Variants in TDRD1 observed in about 807,000 individuals in gnomAD.
TDRD1 encodes the protein tudor domain-containing protein 1.
In TDRD1, 37 loss-of-function variants were observed where a neutral mutation model predicts 140.6. That is an observed-to-expected ratio of 0.26 (90% CI 0.20 to 0.35). TDRD1 has a LOEUF of 0.35. Ranked by LOEUF, TDRD1 falls within the 10% of genes least tolerant of loss-of-function variation. The pLI is 1.00. For synonymous variants in TDRD1, 506 were observed against 475.7 expected, an observed-to-expected ratio of 1.06 and a Z score of -0.83; for missense variants, 1,243 against 1,393.0, an observed-to-expected ratio of 0.89 and a Z score of 1.71.
intron 3 of TDRD1, among the ~76,000 whole-genome samples, chr10:114,198,272 A>C (rs1053763122): frequency 2.0e-5 from 3 of 152,076 alleles, no homozygotes; most frequent in African/African-American, 7.2e-5. Flanking sequence ...TGGTGGTGGA[A>C]AGTCTGGACT....
intron 1 of TDRD1, among the ~76,000 whole-genome samples, chr10:114,180,265 C>A (rs1049961337): frequency 2.6e-5 from 4 of 152,168 alleles, no homozygotes; most frequent in African/African-American, 9.7e-5. Context: ...TGATTTACTT[C>A]GTCTCTCATT....
chr10:114,226,262 T>C, intron 22 of TDRD1, 46 bp downstream of exon 22: 1 of 1,413,986 alleles, frequency 7.1e-7, no homozygotes, highest in Non-Finnish European at 9.7e-7. Flanking sequence ...GGGTATTTTT[T>C]TTTTCCTCTT....
intron 1 of TDRD1, among the ~76,000 whole-genome samples, chr10:114,187,211 G>A (rs768902585): frequency 2.0e-5 from 3 of 152,212 alleles, no homozygotes; most frequent in Non-Finnish European, 4.4e-5. Flanking sequence ...CTTAAAAGCA[G>A]TAGGTATAAA....
chr10:114,210,352 C>T (rs939606340), intron 11 of TDRD1, among the ~76,000 whole-genome samples: 1 of 152,080 alleles, frequency 6.6e-6, no homozygotes, highest in Non-Finnish European at 1.5e-5. Flanking sequence ...TTGTCTAAGT[C>T]GCTGATTTTC....
At chr10:114,222,546 T>A (rs959202074) in intron 20 of TDRD1, 41 bp from the exon 21 acceptor site, 30 of 1,292,288 alleles carry the variant, frequency 2.3e-5, no homozygotes, top group Non-Finnish European at 3.2e-5. Context: ...ATAGTAGCAC[T>A]GGAAATTTTC....
chr10:114,204,791 A>G lies in TDRD1; in HGVS notation c.1195A>G (p.Thr399Ala), dbSNP rs143300539. ...TTGGAGCAGTGATTGTATCAAAGCT[A>G]CTAAACCACTGTTAATGGAGCAGTA... Residue 399 changes from threonine to alanine, a missense_variant, in exon 10 of 26, where the codon ACT becomes GCT. Thr to Ala is a moderately conservative substitution (Grantham distance 58). This residue lies in a region of TDRD1 where 392 missense variants were observed against 394.1 expected (regional missense o/e 0.99). Transcript: ENST00000251864. 3 of 1,607,752 alleles carry G rather than the reference A, an allele frequency of 1.9e-6. No individual in the cohort carries two copies. In the African/African-American group the frequency reaches 4.0e-5, roughly 22 times the overall value.
rs374153068 is a variant in TDRD1, at chr10:114,190,510, C to T, written c.326-451C>T. Among the ~76,000 whole-genome samples the T allele has an allele frequency of 2.4e-4, 36 of 152,136 alleles. No individual in the cohort carries two copies. The South Asian group carries it at 4.2e-3, about 18-fold the overall frequency. ...TTTATATTTTTACTTTTTTTCAAGACGGAGTCTCACTCTGTTGTCCGGGCT... is the reference window on the plus strand; with the variant it reads ...TTTATATTTTTACTTTTTTTCAAGATGGAGTCTCACTCTGTTGTCCGGGCT... On this transcript the variant is annotated intron_variant, in intron 2 of 25. Coordinates refer to ENST00000251864, the Ensembl canonical transcript of TDRD1.
At chr10:114,225,718 A>G (rs995089786) in intron 21 of TDRD1, among the ~76,000 whole-genome samples, 1 of 152,080 alleles carries the variant, frequency 6.6e-6, no homozygotes, top group African/African-American at 2.4e-5. Flanking sequence ...TTAGCTGGGC[A>G]TGGTGGTGTA....
Position 114,222,492 on chromosome 10 carries a change from G to T in TDRD1, c.2891-95G>T, listed in dbSNP as rs114352516. 3.4e-3 allele frequency: 1,988 copies of T among 578,602 alleles called. 36 individuals carry two copies. In the African/African-American group the frequency reaches 0.035, roughly 10 times the overall value. 35.8% of individuals were successfully genotyped at this position (578,602 alleles called of 1,614,324 possible). ...TTTAAATATATTTTAATACACAAAG[G>T]GTTTTTGGATTGATTAGACTTGCCA... On this transcript the variant is annotated intron_variant, in intron 20 of 25. Transcript: ENST00000251864.
chr10:114,227,847 C>T, intron 23 of TDRD1, 63 bp from the exon 24 acceptor site: 1 of 1,369,172 alleles, frequency 7.3e-7, no homozygotes. Flanking sequence ...TATGTTTACA[C>T]TCCCAAGTTT....
intron 1 of TDRD1, among the ~76,000 whole-genome samples, chr10:114,183,025 C>T (rs2033215621): frequency 6.6e-6 from 1 of 152,146 alleles, no homozygotes; most frequent in African/African-American, 2.4e-5. Flanking sequence ...CTATAAAGCA[C>T]CATGGTGGAT....
At chr10:114,215,566 A>G (rs1040988141) in intron 16 of TDRD1, among the ~76,000 whole-genome samples, 2 of 152,150 alleles carry the variant, frequency 1.3e-5, no homozygotes, top group Non-Finnish European at 1.5e-5. Context: ...GATGAGCATC[A>G]TTGATCTTAA....
intron 21 of TDRD1, among the ~76,000 whole-genome samples, chr10:114,223,545 A>C (rs1194375736): frequency 6.6e-6 from 1 of 152,214 alleles, no homozygotes. Context: ...GGGGACCTTC[A>C]AACTTCATGG....
At chr10:114,175,043 T>C (rs939497512), upstream of TDRD1, among the ~76,000 whole-genome samples, 2 of 152,242 alleles carry the variant, frequency 1.3e-5, no homozygotes, top group East Asian at 3.8e-4. Flanking sequence ...CAAAACTTAC[T>C]ACTGTTCTGT....
At chr10:114,180,478 T>TA (rs1413316964) in intron 1 of TDRD1, among the ~76,000 whole-genome samples, 1 of 152,192 alleles carries the variant, frequency 6.6e-6, no homozygotes, top group African/African-American at 2.4e-5. Flanking sequence ...TTTTGTTTGT[T>TA]CTTTGAGTAA....
chr10:114,203,266 A>C, intron 7 of TDRD1, 90 bp downstream of exon 7: 1 of 1,491,002 alleles, frequency 6.7e-7, no homozygotes, highest in Admixed American at 2.0e-5. Flanking sequence ...CGGTAGCTAC[A>C]AAACATAAAC....
chr10:114,208,935 C>G (rs1302831723), intron 11 of TDRD1, among the ~76,000 whole-genome samples: 1 of 151,992 alleles, frequency 6.6e-6, no homozygotes, highest in Non-Finnish European at 1.5e-5. Context: ...CTGCACGCCA[C>G]CATGCCCAGC....
rs1238067767 is a variant in TDRD1 at position 114,228,028 on chromosome 10, T to C, written c.3451-10T>C. ...GAAATTAAATCATATGGTTTCTTTT[T>C]CACCCACAGGTTGAAAAACATGAAC... On this transcript the variant is annotated splice_polypyrimidine_tract_variant and intron_variant, in intron 24 of 25. Transcript: ENST00000251864. The C allele has an allele frequency of 6.2e-7, 1 of 1,610,236 alleles. No homozygotes were observed. Among genetic ancestry groups the C allele is most frequent in the Non-Finnish European group, 8.5e-7 (1 of 1,178,408 alleles).
chr10:114,191,139 A>G, intron 3 of TDRD1, 120 bp downstream of exon 3: 1 of 1,141,148 alleles, frequency 8.8e-7, no homozygotes. Context: ...TTTTTCTTTT[A>G]TGTACATTTT....
Sources: allele counts gnomAD v4.1 joint callset (sites outside exome capture counted in the v4.1 genomes callset), GRCh38; gene constraint gnomAD v4.1.1; regional missense constraint gnomAD v4.1.1; transcripts MANE v1.5; gene names NCBI Gene and HGNC (gene_info 2026-07-23, HGNC 2026-07-21).